Variants in ZNF83 observed in about 807,000 individuals in gnomAD.
The protein encoded by ZNF83 is zinc finger protein 816B.
For synonymous variants in ZNF83, 209 were observed against 213.0 expected, an observed-to-expected ratio of 0.98 and a Z score of 0.17; for missense variants, 552 against 629.9, an observed-to-expected ratio of 0.88 and a Z score of 1.32.
intron 1 of ZNF83, among the ~76,000 whole-genome samples, chr19:52,680,753 C>T (rs1682046193): frequency 7.0e-6 from 1 of 143,244 alleles, no homozygotes. Flanking sequence ...ACTGGGACTA[C>T]AGGCGCCCGC....
In ZNF83 at chr19:52,613,250, C is replaced by T. The variant is rs778743816; in HGVS notation, c.1315G>A (p.Gly439Ser). ...TGATGTGCTAGGGATGAGTTTAGAC[C>T]GAAGACCTTCCCACATTCATTACAT... The change falls in exon 3 of 3, where the codon GGT becomes AGT. Residue 439 changes from glycine to serine, a missense_variant. Physicochemically the swap from Gly to Ser is moderately conservative, Grantham distance 56. Transcript: ENST00000301096. 47 of 1,609,362 alleles carry T rather than the reference C, an allele frequency of 2.9e-5. No homozygotes were observed. The highest frequency in any genetic ancestry group is 1.7e-4 in the Middle Eastern group (1 of 6,048).
intron 1 of ZNF83, among the ~76,000 whole-genome samples, chr19:52,683,530 G>GCGCGTCACCTGCTGGT (rs1296406561): frequency 2.4e-5 from 2 of 83,582 alleles, no homozygotes; most frequent in East Asian, 2.9e-4. Flanking sequence ...CCAAAGGGAA[G>GCGCGTCACCTGCTGGT]GGCAAAGTCC....
Position 52,664,402 on chromosome 19 carries a change from G to A in ZNF83, c.-282-3559C>T, listed in dbSNP as rs151313627. Among the ~76,000 whole-genome samples, 570 of 152,142 alleles carry A rather than the reference G, an allele frequency of 3.7e-3. 1 individual carries two copies. The highest frequency in any genetic ancestry group is 0.027 in the Middle Eastern group (8 of 294). On this transcript the variant is annotated intron_variant, in intron 1 of 5. Coordinates refer to the ZNF83 transcript ENST00000594682. ...TCCCAGCTACTCTGGAGGCTGAAGTGGGAGGATCCGTTGAACCCAGGAGGT... is the reference window on the plus strand; with the variant it reads ...TCCCAGCTACTCTGGAGGCTGAAGTAGGAGGATCCGTTGAACCCAGGAGGT...
chr19:52,630,081 T>C (rs12608951), intron 2 of ZNF83, among the ~76,000 whole-genome samples: 3,902 of 152,254 alleles, frequency 0.026, 187 homozygotes, highest in African/African-American at 0.08. Context: ...GGCCAAGGAA[T>C]GCCCGCAGCC....
chr19:52,628,783 T>C (rs971686079), intron 2 of ZNF83, among the ~76,000 whole-genome samples: 1 of 151,842 alleles, frequency 6.6e-6, no homozygotes, highest in Non-Finnish European at 1.5e-5. Flanking sequence ...CCCACTTTTC[T>C]AGGGGAGGAG....
intron 1 of ZNF83, among the ~76,000 whole-genome samples, chr19:52,680,603 AATAT>A (rs370786452): frequency 9.3e-4 from 95 of 101,722 alleles, no homozygotes; most frequent in Non-Finnish European, 1.5e-3. Flanking sequence ...TTTTCCACAA[AATAT>A]TTTTTTTTTT....
At chr19:52,674,184 G>A (rs921197630) in intron 1 of ZNF83, 29 of 152,120 alleles carry the variant, frequency 1.9e-4, no homozygotes, top group Admixed American at 5.2e-4. Flanking sequence ...AAGATCACCT[G>A]TTTCCTGTGA....
At chr19:52,654,345 T>G in intron 3 of ZNF83, 1 of 1,355,084 alleles carries the variant, frequency 7.4e-7, no homozygotes, top group Non-Finnish European at 1.0e-6. Flanking sequence ...TGTGGATCAC[T>G]TCTCCTGTAT....
At chr19:52,688,881 C>T (rs1039844020) in intron 1 of ZNF83, among the ~76,000 whole-genome samples, 10 of 148,476 alleles carry the variant, frequency 6.7e-5, no homozygotes, top group East Asian at 5.9e-4. Context: ...TACAGGATAA[C>T]GCTGTCCGAA....
intron 3 of ZNF83, among the ~76,000 whole-genome samples, chr19:52,647,125 C>T (rs1363193884): frequency 2.0e-5 from 3 of 151,794 alleles, no homozygotes; most frequent in African/African-American, 7.3e-5. Context: ...TGGTTTTTTT[C>T]CCACCTCACC....
chr19:52,645,652 C>A (rs2061361972), intron 3 of ZNF83, among the ~76,000 whole-genome samples: 2 of 151,924 alleles, frequency 1.3e-5, no homozygotes. Flanking sequence ...ACTGAAAATA[C>A]AAAAATTAGC....
chr19:52,641,888 A>ATCT (rs2061310816), upstream of ZNF83, among the ~76,000 whole-genome samples: 1 of 152,174 alleles, frequency 6.6e-6, no homozygotes, highest in Non-Finnish European at 1.5e-5. Flanking sequence ...ATCAATACAT[A>ATCT]TAAGATGTAC....
chr19:52,689,460 T>G (rs1260899301), intron 1 of ZNF83, among the ~76,000 whole-genome samples: 1 of 152,038 alleles, frequency 6.6e-6, no homozygotes, highest in African/African-American at 2.4e-5. Flanking sequence ...CTGTTCTCCT[T>G]GCCACCAGCA....
intron 2 of ZNF83, among the ~76,000 whole-genome samples, chr19:52,615,320 A>G (rs1485764770): frequency 2.2e-5 from 3 of 134,936 alleles, no homozygotes; most frequent in Non-Finnish European, 4.7e-5. Flanking sequence ...AAGTGGGGAC[A>G]TTGGGCAACA....
chr19:52,621,510 A>G lies in ZNF83; in HGVS notation c.-233-6713T>C, dbSNP rs74711382. Among the ~76,000 whole-genome samples, 1,037 of 152,186 alleles carry G rather than the reference A, an allele frequency of 6.8e-3. 15 individuals are homozygous for G. Among genetic ancestry groups the G allele is most frequent in the African/African-American group, 0.024 (990 of 41,500 alleles). On this transcript the variant is annotated intron_variant, in intron 2 of 2. Transcript: ENST00000301096. ...ATTCACCCACATTTCAGACTTGTTC[A>G]ATCACCACAGGGACACCTGCCTTGA... is the stretch of plus-strand genomic sequence containing the variant.
At chr19:52,687,614 G>GTGTATATATATATATAA (rs2062061650) in intron 1 of ZNF83, among the ~76,000 whole-genome samples, 2 of 11,628 alleles carry the variant, frequency 1.7e-4, no homozygotes, top group East Asian at 2.9e-3. Flanking sequence ...TATATATAAT[G>GTGTATATATATATATAA]TGTATATATA....
At chr19:52,646,821 TCTGTAAGTTC>T (rs1488563832) in intron 3 of ZNF83, among the ~76,000 whole-genome samples, 1 of 152,250 alleles carries the variant, frequency 6.6e-6, no homozygotes. Context: ...TTTAGCAAAC[TCTGTAAGTTC>T]CTGTTTTTCT....
rs35547452 is a variant in ZNF83, at chr19:52,618,308, A to G, written c.-233-3511T>C. On this transcript the variant is annotated intron_variant, in intron 2 of 2. Transcript: ENST00000301096. ...ATGGAGCCTGGCTGTCTCCCAGGCTAGAGTGCAGTGGCACGATCTCAGCTC... is the reference window on the plus strand; with the variant it reads ...ATGGAGCCTGGCTGTCTCCCAGGCTGGAGTGCAGTGGCACGATCTCAGCTC... Among the ~76,000 whole-genome samples the G allele has an allele frequency of 1.1e-4, 17 of 150,530 alleles. No homozygotes were observed. In the East Asian group the frequency reaches 2.0e-3, roughly 17 times the overall value.
At chr19:52,645,703 AGG>A (rs1300576645) in intron 3 of ZNF83, among the ~76,000 whole-genome samples, 1 of 151,774 alleles carries the variant, frequency 6.6e-6, no homozygotes, top group Non-Finnish European at 1.5e-5. Context: ...CCTACTCAGG[AGG>A]TTGAGGCAAA....
Sources: gnomAD v4.1 joint callset for allele counts (sites outside exome capture counted in the v4.1 genomes callset) on GRCh38, gnomAD v4.1.1 for gene constraint, MANE v1.5 for transcripts, NCBI Gene and HGNC (gene_info 2026-07-23, HGNC 2026-07-21) for gene names.